Variants in ZBTB20 observed in about 807,000 individuals in gnomAD.
The protein encoded by ZBTB20 is zinc finger and BTB domain containing 20.
ZBTB20 carries 9 observed loss-of-function variants against 56.9 expected under a neutral mutation model. That is an observed-to-expected ratio of 0.16 (90% CI 0.10 to 0.28). The LOEUF is 0.28. ZBTB20 is among the 10% of genes least tolerant of loss of function. The probability of loss-of-function intolerance (pLI) is 1.00; values close to 1 mark genes in which losing one functional copy is unlikely to be tolerated. For missense variants in ZBTB20, 655 were observed against 1,003.0 expected (o/e 0.65, Z 4.69); for synonymous variants, 417 against 420.7 (o/e 0.99, Z 0.11).
intron 6 of ZBTB20, among the ~76,000 whole-genome samples, chr3:114,516,500 T>C (rs2046009201): frequency 6.6e-6 from 1 of 152,228 alleles, no homozygotes; most frequent in Non-Finnish European, 1.5e-5. Flanking sequence ...TCCATCAAAA[T>C]GCTACTACCT....
At chr3:114,433,727 G>A (rs1036821640) in intron 7 of ZBTB20, among the ~76,000 whole-genome samples, 2 of 152,032 alleles carry the variant, frequency 1.3e-5, no homozygotes, top group African/African-American at 4.8e-5. Context: ...ATATAAACAT[G>A]CTCTAGTATA....
chr3:114,602,719 A>C (rs963696474), intron 6 of ZBTB20, among the ~76,000 whole-genome samples: 2 of 152,002 alleles, frequency 1.3e-5, no homozygotes, highest in Admixed American at 1.3e-4. Flanking sequence ...AGGTAAGCAC[A>C]TATTAACTGG....
At chr3:114,886,785 C>A (rs614149) in intron 4 of ZBTB20, among the ~76,000 whole-genome samples, 1 of 151,890 alleles carries the variant, frequency 6.6e-6, no homozygotes, top group Non-Finnish European at 1.5e-5. Flanking sequence ...TAAAAAATAC[C>A]AAGGTGCTAA....
At chr3:115,016,711 T>C (rs1461932965) in intron 2 of ZBTB20, among the ~76,000 whole-genome samples, 1 of 151,912 alleles carries the variant, frequency 6.6e-6, no homozygotes, top group East Asian at 1.9e-4. Context: ...TTGGTTACTG[T>C]AGCCTTGTAG....
chr3:114,548,281 A>G (rs1365301118), intron 6 of ZBTB20, among the ~76,000 whole-genome samples: 6 of 152,174 alleles, frequency 3.9e-5, no homozygotes, highest in South Asian at 2.1e-4. Context: ...TAGATATCCA[A>G]CTGAAGTGGG....
At chr3:115,082,210 A>G (rs1413474594) in intron 1 of ZBTB20, among the ~76,000 whole-genome samples, 4 of 152,214 alleles carry the variant, frequency 2.6e-5, no homozygotes, top group Non-Finnish European at 4.4e-5. Context: ...GCAATCACAA[A>G]CAAGTTCTAA....
Position 114,339,284 on chromosome 3 carries a change from G to C in ZBTB20, c.1947C>G (p.Leu649=). ...CCCGGTGGAGGCGCATGTGCACGTT[G>C]AGGGAGCTCTTCTGGGTGAAGCGCT... ...CNKRFTQKSS[L]NVHMRLHRGE... The change falls in exon 12 of 12, where the codon CTC becomes CTG. Residue 649 remains leucine, a synonymous_variant. Transcript: ENST00000675478. This position sits in a 1 kb window ranked among gnomAD's most constrained non-coding sequence, Gnocchi z 4.2. The C allele has an allele frequency of 6.2e-7, 1 of 1,614,226 alleles. No homozygotes were observed. The highest frequency in any genetic ancestry group is 8.5e-7 in the Non-Finnish European group (1 of 1,180,048).
intron 2 of ZBTB20, among the ~76,000 whole-genome samples, chr3:115,024,685 C>T (rs1387666107): frequency 6.6e-6 from 1 of 151,050 alleles, no homozygotes. Context: ...ATTTCAAGAA[C>T]TGTACAGTAG....
chr3:115,054,905 T>C (rs965682459), intron 2 of ZBTB20, among the ~76,000 whole-genome samples: 2 of 152,114 alleles, frequency 1.3e-5, no homozygotes, highest in Admixed American at 6.6e-5. Context: ...AAATTAATTA[T>C]AAGAAGTGTT....
chr3:114,921,876 A>C (rs544563847), intron 3 of ZBTB20, among the ~76,000 whole-genome samples: 1 of 152,014 alleles, frequency 6.6e-6, no homozygotes, highest in African/African-American at 2.4e-5. Flanking sequence ...ATATACACAT[A>C]TATATATATA....
At chr3:114,926,056 T>G (rs1343442441) in intron 3 of ZBTB20, among the ~76,000 whole-genome samples, 1 of 152,218 alleles carries the variant, frequency 6.6e-6, no homozygotes, top group Non-Finnish European at 1.5e-5. Context: ...GACAAAGACT[T>G]AAGACAGAAT....
intron 6 of ZBTB20, among the ~76,000 whole-genome samples, chr3:114,692,479 C>T (rs997813026): frequency 2.6e-5 from 4 of 152,118 alleles, no homozygotes; most frequent in African/African-American, 9.7e-5. Context: ...TTATTTCCCT[C>T]AGTTTATGCA....
chr3:114,571,276 C>T (rs2053401937), intron 6 of ZBTB20, among the ~76,000 whole-genome samples: 2 of 152,124 alleles, frequency 1.3e-5, no homozygotes, highest in South Asian at 2.1e-4. Context: ...GCTTATTCAT[C>T]TAAGTTCTAT....
intron 7 of ZBTB20, among the ~76,000 whole-genome samples, chr3:114,468,442 A>AT (rs2092634103): frequency 6.6e-6 from 1 of 152,142 alleles, no homozygotes; most frequent in Non-Finnish European, 1.5e-5. Context: ...TATTTTTCTG[A>AT]TACTGCTTTG....
chr3:114,826,793 T>C (rs1434671803), intron 4 of ZBTB20, among the ~76,000 whole-genome samples: 1 of 151,774 alleles, frequency 6.6e-6, no homozygotes, highest in African/African-American at 2.4e-5. Flanking sequence ...GGAAGTTACA[T>C]ATTTTCTTTT....
intron 4 of ZBTB20, among the ~76,000 whole-genome samples, chr3:114,815,296 G>A (rs558651795): frequency 1.2e-4 from 18 of 151,928 alleles, no homozygotes; most frequent in African/African-American, 3.9e-4. Flanking sequence ...TTAACTTTTC[G>A]TGACTATGAC....
chr3:114,344,296 AAT>A (rs1166484397), intron 11 of ZBTB20, among the ~76,000 whole-genome samples: 1 of 152,214 alleles, frequency 6.6e-6, no homozygotes, highest in African/African-American at 2.4e-5. Flanking sequence ...AAATTTTGTG[AAT>A]AGAGTGGATA....
chr3:115,047,757 T>C (rs1481398945), intron 2 of ZBTB20, among the ~76,000 whole-genome samples: 2 of 152,218 alleles, frequency 1.3e-5, no homozygotes, highest in Non-Finnish European at 2.9e-5. Flanking sequence ...TTTCAGGATC[T>C]AATTGGTGGT....
chr3:115,106,315 G>T (rs1031549207), intron 1 of ZBTB20, among the ~76,000 whole-genome samples: 1 of 147,042 alleles, frequency 6.8e-6, no homozygotes, highest in African/African-American at 2.5e-5. Context: ...CTCACTGCAA[G>T]CTCTGCCTCC....
Sources: allele counts gnomAD v4.1 joint callset (sites outside exome capture counted in the v4.1 genomes callset), GRCh38; gene constraint gnomAD v4.1.1; non-coding constraint Gnocchi (gnomAD v3.1); transcripts MANE v1.5; gene names NCBI Gene and HGNC (gene_info 2026-07-23, HGNC 2026-07-21).